Variants in CA10 observed in about 807,000 individuals in gnomAD.
CA10 encodes the protein carbonic anhydrase 10 (inactive).
In CA10, 14 loss-of-function variants were observed where a neutral mutation model predicts 44.2. The observed-to-expected ratio is 0.32, with a 90% confidence interval of 0.21 to 0.50. The LOEUF (loss-of-function observed/expected upper bound fraction) is 0.50. Ranked by LOEUF, CA10 falls within the 20% of genes least tolerant of loss-of-function variation. The probability of loss-of-function intolerance (pLI) is 0.99; values close to 1 mark genes in which losing one functional copy is unlikely to be tolerated. For missense variants in CA10, 350 were observed against 409.7 expected (o/e 0.85, Z 1.26); for synonymous variants, 159 against 141.6 (o/e 1.12, Z -0.87).
intron 4 of CA10, among the ~76,000 whole-genome samples, chr17:51,743,599 C>A (rs578144686): frequency 5.8e-4 from 89 of 152,324 alleles, no homozygotes; most frequent in African/African-American, 1.8e-3. Context: ...CCATCAATTA[C>A]AATAACCTCA....
chr17:51,878,934 G>GTATA (rs372665545), intron 3 of CA10, among the ~76,000 whole-genome samples: 1 of 124,800 alleles, frequency 8.0e-6, no homozygotes, highest in African/African-American at 3.1e-5. Context: ...GTGTGTTTGT[G>GTATA]TATATATATA....
intron 4 of CA10, among the ~76,000 whole-genome samples, chr17:51,686,395 A>G (rs540290601): frequency 2.0e-5 from 3 of 152,276 alleles, no homozygotes; most frequent in Non-Finnish European, 4.4e-5. Flanking sequence ...CAGCCTCACT[A>G]TCTCACCAAA....
At chr17:51,887,293 A>G (rs892278499) in intron 3 of CA10, among the ~76,000 whole-genome samples, 5 of 152,206 alleles carry the variant, frequency 3.3e-5, no homozygotes, top group Non-Finnish European at 7.3e-5. Context: ...GACACGCAGA[A>G]AGAAGCCTCT....
chr17:51,719,282 T>G (rs1278255055), intron 4 of CA10, among the ~76,000 whole-genome samples: 1 of 152,192 alleles, frequency 6.6e-6, no homozygotes, highest in Admixed American at 6.5e-5. Flanking sequence ...CTCCTTGTTC[T>G]TTTCAACTTG....
At chr17:52,147,906 A>C (rs1989624058) in intron 1 of CA10, among the ~76,000 whole-genome samples, 1 of 152,182 alleles carries the variant, frequency 6.6e-6, no homozygotes, top group Non-Finnish European at 1.5e-5. Context: ...ATTACAAGCA[A>C]ACAACAACAA....
chr17:51,855,213 G>C lies in CA10; in HGVS notation c.279+75777C>G, dbSNP rs114599648. Reference sequence around the variant, plus strand: ...CCAGCTTGAAGAGTTATGAGGAAGAGGTAAAATAGTTACTGTCTCCCACCA... The same window carrying C: ...CCAGCTTGAAGAGTTATGAGGAAGACGTAAAATAGTTACTGTCTCCCACCA... On this transcript the variant is annotated intron_variant, in intron 3 of 8. Coordinates refer to ENST00000451037, the MANE Select transcript of CA10 (RefSeq NM_020178.5). Among the ~76,000 whole-genome samples, 655 of 152,244 alleles carry C rather than the reference G, an allele frequency of 4.3e-3. 3 individuals carry two copies. The highest frequency in any genetic ancestry group is 0.013 in the African/African-American group (535 of 41,532).
chr17:51,789,025 T>G (rs574242164), intron 3 of CA10, among the ~76,000 whole-genome samples: 1 of 152,374 alleles, frequency 6.6e-6, no homozygotes, highest in South Asian at 2.1e-4. Context: ...TCTTTCTTTT[T>G]TTGAGATAGA....
chr17:51,857,420 A>G (rs1979096939), intron 3 of CA10, among the ~76,000 whole-genome samples: 1 of 152,224 alleles, frequency 6.6e-6, no homozygotes, highest in Non-Finnish European at 1.5e-5. Flanking sequence ...AGCCAAGAGC[A>G]TGACTCTGTA....
chr17:52,113,087 T>G (rs1988819681), intron 1 of CA10, among the ~76,000 whole-genome samples: 1 of 152,184 alleles, frequency 6.6e-6, no homozygotes, highest in South Asian at 2.1e-4. Flanking sequence ...ACTCACAGTG[T>G]TTTTTCATCT....
chr17:51,783,135 G>A (rs1340101572), intron 3 of CA10, among the ~76,000 whole-genome samples: 1 of 152,074 alleles, frequency 6.6e-6, no homozygotes, highest in Non-Finnish European at 1.5e-5. Context: ...TTGTTTTACT[G>A]GCTGAAGAGA....
intron 2 of CA10, among the ~76,000 whole-genome samples, chr17:52,021,076 C>T (rs1368384206): frequency 3.3e-5 from 5 of 151,764 alleles, no homozygotes; most frequent in Non-Finnish European, 7.4e-5. Flanking sequence ...AGGTTGATTC[C>T]ATATAACAAA....
intron 3 of CA10, among the ~76,000 whole-genome samples, chr17:51,752,439 T>C (rs1805799412): frequency 6.6e-6 from 1 of 151,998 alleles, no homozygotes; most frequent in South Asian, 2.1e-4. Context: ...TTACCTTAAT[T>C]CACTGCAAAA....
intron 4 of CA10, among the ~76,000 whole-genome samples, chr17:51,745,813 C>T (rs1904667136): frequency 6.6e-6 from 1 of 152,052 alleles, no homozygotes; most frequent in Non-Finnish European, 1.5e-5. Flanking sequence ...TGGAATATGA[C>T]AGAATATGGG....
At chr17:52,017,810 C>G (rs185602412) in intron 2 of CA10, among the ~76,000 whole-genome samples, 1 of 151,968 alleles carries the variant, frequency 6.6e-6, no homozygotes, top group Non-Finnish European at 1.5e-5. Flanking sequence ...GCCAAGACAA[C>G]GGGATAAAGA....
chr17:51,654,391 A>T (rs1023505150), intron 4 of CA10, among the ~76,000 whole-genome samples: 10 of 152,196 alleles, frequency 6.6e-5, no homozygotes, highest in African/African-American at 2.4e-4. Flanking sequence ...ACATACATAT[A>T]TGTTCAAACA....
At chr17:52,049,151 G>A (rs1986991513) in intron 2 of CA10, among the ~76,000 whole-genome samples, 1 of 152,130 alleles carries the variant, frequency 6.6e-6, no homozygotes, top group Non-Finnish European at 1.5e-5. Context: ...AGGAGCAGAA[G>A]TACTTTCATT....
chr17:51,842,809 C>T (rs1978343434), intron 3 of CA10, among the ~76,000 whole-genome samples: 1 of 151,980 alleles, frequency 6.6e-6, no homozygotes, highest in Non-Finnish European at 1.5e-5. Flanking sequence ...CAACCTGACC[C>T]CATATCTTCA....
At chr17:51,942,541 T>TATATATATATATATATAATATCTGTC (rs1491018956) in intron 2 of CA10, among the ~76,000 whole-genome samples, 3 of 30,538 alleles carry the variant, frequency 9.8e-5, no homozygotes, top group East Asian at 7.6e-4. Flanking sequence ...GCAGGCATTA[T>TATATATATATATATATAATATCTGTC]ATATATATAT....
At chr17:51,669,156 G>A (rs555886263) in intron 4 of CA10, among the ~76,000 whole-genome samples, 1 of 152,252 alleles carries the variant, frequency 6.6e-6, no homozygotes, top group Non-Finnish European at 1.5e-5. Flanking sequence ...TGGCAGCTCT[G>A]CCGGGCGGCC....
Sources: allele counts gnomAD v4.1 joint callset (sites outside exome capture counted in the v4.1 genomes callset), GRCh38; gene constraint gnomAD v4.1.1; transcripts MANE v1.5; gene names NCBI Gene and HGNC (gene_info 2026-07-23, HGNC 2026-07-21).